The following SBDS variants were observed in gnomAD, a reference collection of about 807,000 sequenced individuals.
SBDS encodes the protein SBDS ribosome maturation factor, also known as ribosome maturation protein SBDS.
A neutral mutation model predicts 26.4 loss-of-function variants in SBDS; 20 were observed. The observed-to-expected ratio is 0.76, with a 90% CI of 0.53 to 1.10. The LOEUF is 1.10. Among genes scored for constraint, SBDS ranks in the 50% least tolerant of loss-of-function variants. SBDS has a pLI of 0.00. For missense variants in SBDS, 241 were observed against 302.0 expected (o/e 0.80, Z 1.50); for synonymous variants, 95 against 105.1 (o/e 0.90, Z 0.59).
chr7:66,994,516 T>C lies in SBDS; in HGVS notation c.129-175A>G. On this transcript the variant is annotated intron_variant, in intron 1 of 4. Coordinates refer to ENST00000246868, the MANE Select transcript of SBDS (RefSeq NM_016038.4). ...TTACCCCCCAACCCCCGCCCCTAGA[T>C]GGAATTTCACTGTTTTTGCCCAGGC... 9.2e-6 allele frequency: 6 copies of C among 650,510 alleles called. 1 individual carries two copies. In the East Asian group the frequency reaches 1.0e-4, roughly 11 times the overall value. The allele number at this position is 650,510 out of a possible 1,614,324, so 40.3% of individuals were successfully genotyped here. A position where few individuals can be genotyped will look rare whatever the true frequency, so the allele number is the denominator to read the frequency against.
intron 4 of SBDS, among the ~76,000 whole-genome samples, chr7:66,990,020 CTT>C (rs71293171): frequency 8.5e-5 from 12 of 141,318 alleles, no homozygotes; most frequent in African/African-American, 1.0e-4. Flanking sequence ...AGAATTCAAT[CTT>C]TTTTTTTTTT....
At chr7:66,990,971 A>G in intron 4 of SBDS, 166 bp downstream of exon 4, 3 of 579,888 alleles carry the variant, frequency 5.2e-6, no homozygotes, top group Non-Finnish European at 8.8e-6. Context: ...GAGCTGAGAT[A>G]GCACCACTGC....
chr7:66,993,507 G>C lies in SBDS; in HGVS notation c.259-90C>G. ...AACCATAAAAAATGAGTAACTGGAT[G>C]GAGAGAAAATTAAATTTCATCCTCT... On this transcript the variant is annotated intron_variant, in intron 2 of 4. Transcript: ENST00000246868. 2.0e-6 allele frequency: 2 copies of C among 1,025,496 alleles called. 1 individual carries two copies. The highest frequency in any genetic ancestry group is 2.6e-5 in the South Asian group (2 of 76,980). 63.5% of individuals were successfully genotyped at this position (1,025,496 alleles called of 1,614,324 possible). A position where few individuals can be genotyped will look rare whatever the true frequency, so the allele number is the denominator to read the frequency against.
chr7:66,994,311 G>A lies in SBDS; in HGVS notation c.159C>T (p.Thr53=). The A allele has an allele frequency of 3.1e-6, 5 of 1,613,856 alleles. No homozygotes were observed. The highest frequency in any genetic ancestry group is 3.4e-6 in the Non-Finnish European group (4 of 1,179,858). ...VEKDLDEVLQ[T]HSVFVNVSKG... The stretch of plus-strand genomic sequence containing the variant: ...TAGAAACATTTACAAACACTGAGTG[G>A]GTCTGCAGAACTTCATCGAGGTCTT... The change falls in exon 2 of 5, where the codon ACC becomes ACT. Residue 53 remains threonine (T), a synonymous_variant. Transcript: ENST00000246868.
chr7:66,992,132 AC>A (rs1228681429), intron 3 of SBDS, among the ~76,000 whole-genome samples: 1 of 152,246 alleles, frequency 6.6e-6, no homozygotes, highest in Non-Finnish European at 1.5e-5. Context: ...AGATGAATGA[AC>A]AAAATGTGTT....
At position 66,994,252 on chromosome 7, in the gene SBDS, C is replaced by T. The variant is rs564159611; in HGVS notation, c.218G>A (p.Ser73Asn). Residue 73 changes from serine to asparagine, a missense_variant, in exon 2 of 5, where the codon AGT (serine) becomes AAT (asparagine). Transcript: ENST00000246868. ...AGTTTGGTCATCTGTTCCAAACGCACTGATGAGATCTTCCTTTTTGGCAAC... is the reference window on the plus strand; with the variant it reads ...AGTTTGGTCATCTGTTCCAAACGCATTGATGAGATCTTCCTTTTTGGCAAC... ...GQVAKKEDLI[S>N]AFGTDDQTEI... The T allele has an allele frequency of 1.9e-6, 3 of 1,614,064 alleles. No individual in the cohort carries two copies. The African/African-American group carries it at 4.0e-5, about 22-fold the overall frequency.
intron 4 of SBDS, among the ~76,000 whole-genome samples, chr7:66,988,907 T>A (rs948935069): frequency 4.6e-5 from 7 of 152,162 alleles, no homozygotes; most frequent in African/African-American, 1.7e-4. Flanking sequence ...TAATTTATTT[T>A]TTTTTGAGAT....
Position 66,995,544 on chromosome 7 carries a change from G to A in SBDS, c.-127C>T. The A allele has an allele frequency of 7.2e-7, 1 of 1,381,744 alleles. No individual in the cohort carries two copies. The highest frequency in any genetic ancestry group is 1.2e-5 in the South Asian group (1 of 82,096). 85.6% of individuals were successfully genotyped at this position (1,381,744 alleles called of 1,614,324 possible). A position where few individuals can be genotyped will look rare whatever the true frequency, so the allele number is the denominator to read the frequency against. On this transcript the variant is annotated 5_prime_UTR_variant, in exon 1 of 5. Coordinates refer to ENST00000246868, the MANE Select transcript of SBDS (RefSeq NM_016038.4). ...GCACTGACCCAACCACCAGTGCGCGGCGCCGCGACTCACTAGCTTCAGGCA... is the reference window on the plus strand; with the variant it reads ...GCACTGACCCAACCACCAGTGCGCGACGCCGCGACTCACTAGCTTCAGGCA...
intron 4 of SBDS, among the ~76,000 whole-genome samples, chr7:66,990,642 C>T (rs554447743): frequency 1.5e-4 from 23 of 152,134 alleles, no homozygotes; most frequent in East Asian, 3.9e-4. Flanking sequence ...TAAAACACTA[C>T]GCATAATATA....
chr7:66,990,639 C>G (rs988494466), intron 4 of SBDS, among the ~76,000 whole-genome samples: 6 of 152,080 alleles, frequency 3.9e-5, no homozygotes, highest in African/African-American at 1.4e-4. Context: ...ATCTAAAACA[C>G]TACGCATAAT....
intron 4 of SBDS, 22 bp downstream of exon 4, chr7:66,991,114 CA>C (rs1562954400): frequency 6.3e-7 from 1 of 1,597,164 alleles, no homozygotes; most frequent in South Asian, 1.1e-5. Context: ...TAACATGAAG[CA>C]AAGAAAATAT....
intron 1 of SBDS, among the ~76,000 whole-genome samples, chr7:66,994,751 G>A (rs895789180): frequency 4.6e-5 from 7 of 152,156 alleles, no homozygotes; most frequent in Non-Finnish European, 1.0e-4. Flanking sequence ...TCGGCCTGAG[G>A]GAACATTTTC....
In SBDS at chr7:66,988,105, T is replaced by C; in HGVS notation, c.*266A>G. 2.2e-6 allele frequency: 1 copy of C among 460,510 alleles called. No homozygotes were observed. The highest frequency in any genetic ancestry group is 4.0e-6 in the Non-Finnish European group (1 of 249,108). 28.5% of individuals were successfully genotyped at this position (460,510 alleles called of 1,614,324 possible). A position where few individuals can be genotyped will look rare whatever the true frequency, so the allele number is the denominator to read the frequency against. On this transcript the variant is annotated 3_prime_UTR_variant, in exon 5 of 5. Coordinates refer to ENST00000246868, the MANE Select transcript of SBDS (RefSeq NM_016038.4). ...TTCATTTTGGAAAGCTATCAAGGCA[T>C]GAGACAGAGTAGCAAAATGCCACTC...
chr7:66,989,763 T>C (rs1278793076), intron 4 of SBDS, among the ~76,000 whole-genome samples: 1 of 152,138 alleles, frequency 6.6e-6, no homozygotes, highest in African/African-American at 2.4e-5. Flanking sequence ...CAAACAATGC[T>C]TTATCAGGCT....
At chr7:66,993,885 C>T (rs1201810844) in intron 2 of SBDS, among the ~76,000 whole-genome samples, 1 of 140,932 alleles carries the variant, frequency 7.1e-6, no homozygotes, top group South Asian at 2.3e-4. Context: ...TCCCCCCACC[C>T]AAAAAAAAAA....
intron 4 of SBDS, among the ~76,000 whole-genome samples, chr7:66,989,179 T>G (rs1479129952): frequency 6.6e-6 from 1 of 151,510 alleles, no homozygotes; most frequent in Non-Finnish European, 1.5e-5. Flanking sequence ...TCAAGTAGTG[T>G]CAGATGAGTT....
chr7:66,988,573 T>C (rs1792915498), intron 4 of SBDS, 74 bp from the exon 5 acceptor site: 1 of 1,545,490 alleles, frequency 6.5e-7, no homozygotes, highest in Admixed American at 1.7e-5. Context: ...TTAACTTCCT[T>C]TGAGGCAAGC....
At chr7:66,991,336 AC>A (rs1792970300) in intron 3 of SBDS, 35 bp from the exon 4 acceptor site, 1 of 1,532,282 alleles carries the variant, frequency 6.5e-7, no homozygotes, top group Non-Finnish European at 9.0e-7. Context: ...AATTTCTTCT[AC>A]TATATTATTT....
chr7:66,989,173 G>A (rs1178176262), intron 4 of SBDS, among the ~76,000 whole-genome samples: 2 of 151,372 alleles, frequency 1.3e-5, no homozygotes, highest in African/African-American at 2.4e-5. Context: ...AGAACTTCAA[G>A]TAGTGTCAGA....
Sources: gnomAD v4.1 joint callset for allele counts (sites outside exome capture counted in the v4.1 genomes callset) on GRCh38, gnomAD v4.1.1 for gene constraint, MANE v1.5 for transcripts, NCBI Gene and HGNC (gene_info 2026-07-23, HGNC 2026-07-21) for gene names.